The following DCDC2 variants were observed in gnomAD, a reference collection of about 807,000 sequenced individuals.
DCDC2 encodes doublecortin domain containing 2.
DCDC2 carries 40 observed loss-of-function variants against 50.2 expected under a neutral mutation model. The ratio of observed to expected loss-of-function variants is 0.80; its 90% CI spans 0.62 to 1.04. The LOEUF (loss-of-function observed/expected upper bound fraction) is 1.04, where lower values mean the gene tolerates loss of function less well. Ranked by LOEUF, DCDC2 falls within the 50% of genes least tolerant of loss-of-function variation. The probability of loss-of-function intolerance (pLI) is 0.00; values close to 1 mark genes in which losing one functional copy is unlikely to be tolerated. For missense variants in DCDC2, 570 were observed against 581.9 expected (o/e 0.98, Z 0.21); for synonymous variants, 234 against 210.6 (o/e 1.11, Z -0.96).
chr6:24,345,810 C>T (rs752100876), intron 2 of DCDC2, among the ~76,000 whole-genome samples: 10 of 152,106 alleles, frequency 6.6e-5, no homozygotes, highest in Non-Finnish European at 1.5e-4. Flanking sequence ...TGAGGAAGAA[C>T]TGATAAAAGA....
chr6:24,178,206 T>C, intron 9 of DCDC2, 124 bp downstream of exon 9: 1 of 949,306 alleles, frequency 1.1e-6, no homozygotes, highest in East Asian at 2.4e-5. Flanking sequence ...TATTGGATCT[T>C]TCCTACTCAA....
intron 2 of DCDC2, among the ~76,000 whole-genome samples, chr6:24,319,077 A>T (rs1415560960): frequency 1.3e-5 from 2 of 152,068 alleles, no homozygotes; most frequent in East Asian, 3.8e-4. Context: ...TTTTCTCTGC[A>T]TCCTTGCCAA....
chr6:24,369,021 C>T, the DCDC2 span, among the ~76,000 whole-genome samples: 1 of 151,678 alleles, frequency 6.6e-6, no homozygotes, highest in African/African-American at 2.4e-5. Context: ...GTAATCCCAG[C>T]TACTCAGTAG....
chr6:24,238,634 G>C (rs1053584219), intron 7 of DCDC2, among the ~76,000 whole-genome samples: 1 of 152,106 alleles, frequency 6.6e-6, no homozygotes, highest in Admixed American at 6.5e-5. Context: ...GCTATAACCA[G>C]AAGTCAGGGA....
intron 4 of DCDC2, among the ~76,000 whole-genome samples, chr6:24,301,137 C>T (rs898138336): frequency 1.3e-5 from 2 of 151,624 alleles, no homozygotes; most frequent in African/African-American, 2.4e-5. Flanking sequence ...TTTGGGAGGC[C>T]AAGGCGGGCG....
intron 2 of DCDC2, among the ~76,000 whole-genome samples, chr6:24,311,233 G>C (rs866273035): frequency 1.5e-4 from 23 of 152,268 alleles, no homozygotes; most frequent in African/African-American, 4.6e-4. Flanking sequence ...CACTTGGCTG[G>C]ATAATTTCTC....
At chr6:24,178,764 A>G (rs1760983641) in intron 8 of DCDC2, 132 bp from the exon 9 acceptor site, 10 of 895,380 alleles carry the variant, frequency 1.1e-5, no homozygotes, top group African/African-American at 1.7e-5. Flanking sequence ...ACTTTACAGT[A>G]TAGAACGCAC....
intron 4 of DCDC2, among the ~76,000 whole-genome samples, chr6:24,299,682 G>C (rs1759330610): frequency 6.6e-6 from 1 of 152,192 alleles, no homozygotes; most frequent in African/African-American, 2.4e-5. Context: ...GGGAGGCCAA[G>C]GCGGGTGGAT....
At chr6:24,220,869 CA>C (rs1339542211) in intron 7 of DCDC2, among the ~76,000 whole-genome samples, 14 of 133,478 alleles carry the variant, frequency 1.0e-4, no homozygotes, top group African/African-American at 4.9e-4. Flanking sequence ...AGACAGAGAG[CA>C]AGAGAGCGAG....
intron 7 of DCDC2, among the ~76,000 whole-genome samples, chr6:24,244,519 G>T (rs1439584418): frequency 6.6e-6 from 1 of 152,162 alleles, no homozygotes; most frequent in South Asian, 2.1e-4. Flanking sequence ...AAATGTCACG[G>T]TGTTCAGTGA....
chr6:24,339,457 T>G (rs185973503), intron 2 of DCDC2, among the ~76,000 whole-genome samples: 2 of 152,314 alleles, frequency 1.3e-5, no homozygotes, highest in Admixed American at 6.5e-5. Flanking sequence ...CATATCATTT[T>G]TTTGATGAAA....
intron 7 of DCDC2, among the ~76,000 whole-genome samples, chr6:24,229,912 T>C (rs1275204533): frequency 6.6e-6 from 1 of 152,024 alleles, no homozygotes; most frequent in African/African-American, 2.4e-5. Context: ...CACTTCCCCT[T>C]TGAGAGACCC....
chr6:24,272,601 GC>G (rs1256041712), intron 7 of DCDC2, among the ~76,000 whole-genome samples: 1 of 152,078 alleles, frequency 6.6e-6, no homozygotes, highest in Non-Finnish European at 1.5e-5. Flanking sequence ...TGGCCAACAA[GC>G]ATTTGAAAAA....
chr6:24,177,113 C>G (rs1760933402), intron 9 of DCDC2, among the ~76,000 whole-genome samples: 1 of 152,122 alleles, frequency 6.6e-6, no homozygotes, highest in Non-Finnish European at 1.5e-5. Context: ...TGTAAGCTTT[C>G]ATCAAAAGCT....
chr6:24,284,931 A>T (rs1763562277), intron 6 of DCDC2, among the ~76,000 whole-genome samples: 1 of 152,196 alleles, frequency 6.6e-6, no homozygotes, highest in African/African-American at 2.4e-5. Context: ...ATGCCCTGCT[A>T]CATTTTATTT....
intron 8 of DCDC2, among the ~76,000 whole-genome samples, chr6:24,183,523 G>C (rs111781434): frequency 1.1e-4 from 17 of 152,104 alleles, no homozygotes; most frequent in Non-Finnish European, 1.8e-4. Context: ...AAACATGGCG[G>C]ATGGTTCCCC....
At chr6:24,195,747 C>T (rs1352042021) in intron 8 of DCDC2, among the ~76,000 whole-genome samples, 6 of 152,190 alleles carry the variant, frequency 3.9e-5, no homozygotes, top group African/African-American at 1.4e-4. Flanking sequence ...AAAATCACCA[C>T]AAGTTGAGAA....
At chr6:24,369,133 C>CAAAAAAAAAAAAAAAAAAAAACAAAAA in the DCDC2 span, among the ~76,000 whole-genome samples, 1 of 92,812 alleles carries the variant, frequency 1.1e-5, no homozygotes, top group Non-Finnish European at 2.0e-5. Context: ...GACTCTGTCT[C>CAAAAAAAAAAAAAAAAAAAAACAAAAA]AAAAAAAAAA....
upstream of DCDC2, among the ~76,000 whole-genome samples, chr6:24,362,596 A>G (rs891724839): frequency 1.3e-5 from 2 of 152,012 alleles, no homozygotes; most frequent in Non-Finnish European, 2.9e-5. Context: ...CATGTTTACA[A>G]TTCCTGAGAA....
Sources: gnomAD v4.1 joint callset for allele counts (sites outside exome capture counted in the v4.1 genomes callset) on GRCh38, gnomAD v4.1.1 for gene constraint, MANE v1.5 for transcripts, NCBI Gene and HGNC (gene_info 2026-07-23, HGNC 2026-07-21) for gene names.